The following USF3 variants were observed in gnomAD, a reference collection of about 807,000 sequenced individuals.
USF3 encodes the protein upstream transcription factor family member 3.
Under a neutral mutation model 157.5 loss-of-function variants are expected in USF3, and 29 were observed. The observed-to-expected ratio is 0.18, with a 90% confidence interval of 0.14 to 0.25. USF3 has a LOEUF of 0.25. Among genes scored for constraint, USF3 ranks in the 10% least tolerant of loss-of-function variants. USF3 has a pLI of 1.00. For synonymous variants in USF3, 893 were observed against 941.4 expected (o/e 0.95, Z 0.94); for missense variants, 2,381 against 2,667.6 (o/e 0.89, Z 2.37).
At chr3:113,663,456 A>AG (rs961508759) in intron 6 of USF3, among the ~76,000 whole-genome samples, 1 of 152,170 alleles carries the variant, frequency 6.6e-6, no homozygotes, top group Non-Finnish European at 1.5e-5. Context: ...AAACTAGGTG[A>AG]GGGGGGGAAG....
At chr3:113,673,455 CA>C in intron 3 of USF3, 79 bp from the exon 4 acceptor site, 1 of 829,746 alleles carries the variant, frequency 1.2e-6, no homozygotes. Flanking sequence ...TTAAGAATCA[CA>C]AAAATAAATT....
chr3:113,664,349 C>A lies in USF3; in HGVS notation c.220G>T (p.Asp74Tyr), dbSNP rs979364069. ...TTTCCTCCATTAAGCAGGAGTTCAT[C>A]ATTTTGCCTTTTCAATTCTGTTATA... ...KYITELKRQN[D>Y]ELLLNGGNNE... Residue 74 changes from aspartate to tyrosine, a missense_variant, in exon 6 of 7, where the codon GAT (aspartate) becomes TAT (tyrosine). Physicochemically the swap from Asp to Tyr is radical, Grantham distance 160. Transcript: ENST00000316407. 9 of 1,608,940 alleles carry A rather than the reference C, an allele frequency of 5.6e-6. No individual in the cohort carries two copies. Among genetic ancestry groups the A allele is most frequent in the Non-Finnish European group, 6.8e-6 (8 of 1,176,450 alleles).
chr3:113,653,201 A>G lies in USF3; in HGVS notation c.*1743T>C, dbSNP rs9814605. On this transcript the variant is annotated 3_prime_UTR_variant, in exon 7 of 7. Coordinates refer to ENST00000316407, the MANE Select transcript of USF3 (RefSeq NM_001009899.4). ...AAGAACAAAAAGTAATGGACTTCAC[A>G]GGTTTAAGAAAAGGAATATATGCCA... is the stretch of plus-strand genomic sequence containing the variant. 0.85 allele frequency: 134,688 copies of G among 158,694 alleles called. 57,261 individuals are homozygous for G. The highest frequency in any genetic ancestry group is 0.98 in the East Asian group (5,609 of 5,722). 9.8% of individuals were successfully genotyped at this position (158,694 alleles called of 1,614,324 possible).
intron 1 of USF3, among the ~76,000 whole-genome samples, chr3:113,688,122 C>CT (rs745486036): frequency 3.1e-3 from 447 of 144,124 alleles, no homozygotes; most frequent in African/African-American, 7.7e-3. Context: ...CCCCCACTTT[C>CT]TTTTTTTTTT....
intron 1 of USF3, among the ~76,000 whole-genome samples, chr3:113,683,600 C>A (rs1707485269): frequency 6.6e-6 from 1 of 151,078 alleles, no homozygotes; most frequent in Non-Finnish European, 1.5e-5. Context: ...GCCCAAGTAG[C>A]CGGGACTACA....
chr3:113,664,395 G>C lies in USF3; in HGVS notation c.174C>G (p.Ile58Met). The C allele has an allele frequency of 6.2e-7, 1 of 1,602,922 alleles. No homozygotes were observed. Among genetic ancestry groups the C allele is most frequent in the Non-Finnish European group, 8.5e-7 (1 of 1,173,254 alleles). Reference sequence around the variant, plus strand: ...TTATATATTTAAAGGCTTGGTCCAGGATCATATTCTTGCTCTGTCCAAGAA... The same window carrying C: ...TTATATATTTAAAGGCTTGGTCCAGCATCATATTCTTGCTCTGTCCAAGAA... The part of the protein sequence containing the change: ...SPALKQSKNM[I>M]LDQAFKYITE... Residue 58 changes from isoleucine (I) to methionine (M), a missense_variant, in exon 6 of 7, where the codon ATC becomes ATG. Transcript: ENST00000316407.
Position 113,649,994 on chromosome 3 carries a change from T to C in USF3, c.*4950A>G. The C allele has an allele frequency of 1.6e-6, 1 of 625,854 alleles. No homozygotes were observed. 38.8% of individuals were successfully genotyped at this position (625,854 alleles called of 1,614,324 possible). A position where few individuals can be genotyped will look rare whatever the true frequency, so the allele number is the denominator to read the frequency against. On this transcript the variant is annotated 3_prime_UTR_variant, in exon 7 of 7. Coordinates refer to ENST00000316407, the MANE Select transcript of USF3 (RefSeq NM_001009899.4). The stretch of plus-strand genomic sequence containing the variant: ...AACTAACTTCTGCCTTTAATTTGCA[T>C]ATAAGTATCATAAAATCATCACTCA...
intron 5 of USF3, among the ~76,000 whole-genome samples, chr3:113,665,494 T>A (rs1462922254): frequency 6.6e-6 from 1 of 152,240 alleles, no homozygotes; most frequent in Non-Finnish European, 1.5e-5. Context: ...TATTCCTTTA[T>A]TCTCATGTCC....
chr3:113,679,539 T>C (rs993875087), intron 1 of USF3, among the ~76,000 whole-genome samples: 1 of 150,956 alleles, frequency 6.6e-6, no homozygotes, highest in Non-Finnish European at 1.5e-5. Context: ...TCAGCCTACC[T>C]AGTAGCTAGG....
intron 3 of USF3, among the ~76,000 whole-genome samples, chr3:113,674,209 T>C (rs991357416): frequency 2.6e-5 from 4 of 152,116 alleles, no homozygotes; most frequent in African/African-American, 7.2e-5. Flanking sequence ...TAAATCAACT[T>C]AGGATATACA....
intron 1 of USF3, among the ~76,000 whole-genome samples, chr3:113,686,832 C>G (rs929460659): frequency 1.3e-5 from 2 of 152,120 alleles, no homozygotes; most frequent in Non-Finnish European, 2.9e-5. Context: ...TTTATCTACT[C>G]AGATCATACC....
At position 113,693,912 on chromosome 3, in the gene USF3, CAT is replaced by C. The variant is rs1463157126; in HGVS notation, c.-135+2456_-135+2457del. 2.0e-5 allele frequency among the ~76,000 whole-genome samples: 3 copies of C among 152,200 alleles called. No individual in the cohort carries two copies. The East Asian group carries it at 5.8e-4, about 29-fold the overall frequency. On this transcript the variant is annotated intron_variant, in intron 1 of 6. Transcript: ENST00000316407. The stretch of plus-strand genomic sequence containing the variant: ...AAAGCAGTGGGGGGAAAGTTGGACA[CAT>C]GAGTGAGGCCTGATTTAGGAAAGCC...
In USF3 at chr3:113,660,371, T is replaced by G. The variant is rs1264907413; in HGVS notation, c.1311A>C (p.Gln437His). The G allele has an allele frequency of 6.2e-7, 1 of 1,614,076 alleles. No homozygotes were observed. The highest frequency in any genetic ancestry group is 1.3e-5 in the African/African-American group (1 of 74,918). The change falls in exon 7 of 7, where the codon CAA (glutamine) becomes CAC (histidine). Residue 437 changes from glutamine to histidine, a missense_variant. Physicochemically the swap from Gln to His is conservative, Grantham distance 24. Coordinates refer to ENST00000316407, the MANE Select transcript of USF3 (RefSeq NM_001009899.4). ...AGGGCTGAATAGTGTTTCCTGCCAG[T>G]TGCAAAGTAGTCCACGTTGTCTGTG... ...GNTQTTWTTL[Q>H]LAGNTIQPLS... is the part of the protein sequence containing the mutation.
In USF3 at chr3:113,677,332, C is replaced by G. The variant is rs902028677; in HGVS notation, c.-69G>C. ...TTTTGATTCCTGGCTTCCAATGCCT[C>G]CCGTTTCTGATCCAAATGTATCATC... is the stretch of plus-strand genomic sequence containing the variant. On this transcript the variant is annotated 5_prime_UTR_variant, in exon 2 of 7. Transcript: ENST00000316407. 6.6e-6 allele frequency: 1 copy of G among 152,194 alleles called. No individual in the cohort carries two copies. Among genetic ancestry groups the G allele is most frequent in the African/African-American group, 2.4e-5 (1 of 41,440 alleles). 9.4% of individuals were successfully genotyped at this position (152,194 alleles called of 1,614,324 possible).
chr3:113,679,411 CTTTTTT>C (rs34641216), intron 1 of USF3, among the ~76,000 whole-genome samples: 1 of 118,034 alleles, frequency 8.5e-6, no homozygotes. Flanking sequence ...AGAGAAAGTT[CTTTTTT>C]TTTTTTTTTT....
chr3:113,666,248 C>CTTTTTTTTTT (rs1232834885), intron 5 of USF3, among the ~76,000 whole-genome samples: 2 of 101,760 alleles, frequency 2.0e-5, no homozygotes, highest in South Asian at 3.4e-4. Flanking sequence ...AGACATCTTT[C>CTTTTTTTTTT]TTTTTTTTTT....
rs1318448146 is a variant in USF3, at chr3:113,658,488, T to G, written c.3194A>C (p.His1065Pro). 1.2e-6 allele frequency: 2 copies of G among 1,613,978 alleles called. No individual in the cohort carries two copies. The highest frequency in any genetic ancestry group is 1.1e-5 in the South Asian group (1 of 91,088). Residue 1065 changes from histidine to proline, a missense_variant, in exon 7 of 7, where the codon CAT (histidine) becomes CCT (proline). His to Pro is a moderately conservative substitution (Grantham distance 77). This residue lies in a region of USF3 where 1,435 missense variants were observed against 1,550.9 expected (regional missense o/e 0.93). Coordinates refer to ENST00000316407, the MANE Select transcript of USF3 (RefSeq NM_001009899.4). ...NNDDRDPPQHHSCLPDQEVIN... is the reference protein window; with the variant it reads ...NNDDRDPPQHPSCLPDQEVIN... ...AACCTCTTGATCAGGGAGGCAGGAA[T>G]GATGCTGTGGAGGATCTCTATCATC...
chr3:113,660,884 G>A lies in USF3; in HGVS notation c.798C>T (p.His266=), dbSNP rs1417734035. The A allele has an allele frequency of 1.2e-6, 2 of 1,614,134 alleles. No individual in the cohort carries two copies. Among genetic ancestry groups the A allele is most frequent in the Middle Eastern group, 1.6e-4 (1 of 6,062 alleles). ...GGCATGTGTGCAAAGAATGATGTTG[G>A]TGAGGCTCAGATTCAATTGAAACAG... ...LIAVSIESEP[H]QHHSLHTCLN... Residue 266 remains histidine, a synonymous_variant, in exon 7 of 7, where the codon CAC becomes CAT. Coordinates refer to ENST00000316407, the MANE Select transcript of USF3 (RefSeq NM_001009899.4).
chr3:113,691,941 T>C (rs1707694995), intron 1 of USF3, among the ~76,000 whole-genome samples: 1 of 152,196 alleles, frequency 6.6e-6, no homozygotes, highest in Non-Finnish European at 1.5e-5. Flanking sequence ...TCCCAACCTT[T>C]TTGGCACCAG....
Sources: gnomAD v4.1 joint callset for allele counts (sites outside exome capture counted in the v4.1 genomes callset) on GRCh38, gnomAD v4.1.1 for gene constraint, gnomAD v4.1.1 regional missense constraint, MANE v1.5 for transcripts, NCBI Gene and HGNC (gene_info 2026-07-23, HGNC 2026-07-21) for gene names.